The following NRXN3 variants were observed in gnomAD, a reference collection of about 807,000 sequenced individuals.
The protein encoded by NRXN3 is neurexin 3, also known as neurexin III.
A neutral mutation model predicts 137.6 loss-of-function variants in NRXN3; 32 were observed. The observed-to-expected ratio is 0.23, with a 90% CI of 0.18 to 0.31. The LOEUF (loss-of-function observed/expected upper bound fraction) is 0.31, where lower values mean the gene tolerates loss of function less well. NRXN3 is among the 10% of genes least tolerant of loss of function. The probability of loss-of-function intolerance (pLI) is 1.00; values close to 1 mark genes in which losing one functional copy is unlikely to be tolerated. For missense variants in NRXN3, 1,574 were observed against 2,062.5 expected (o/e 0.76, Z 4.59); for synonymous variants, 798 against 784.5 (o/e 1.02, Z -0.29).
At position 78,709,021 on chromosome 14, in the gene NRXN3, C is replaced by CT. The variant is rs561415245; in HGVS notation, c.1222-190dup. Among the ~76,000 whole-genome samples the CT allele has an allele frequency of 9.9e-5, 15 of 152,234 alleles. No individual in the cohort carries two copies. The South Asian group carries it at 1.5e-3, about 15-fold the overall frequency. ...AAGAAATTCTGTAGAAATATAGAGG[C>CT]TTTTTTGGAGCTTGTGTGCACATCA... On this transcript the variant is annotated intron_variant, in intron 6 of 20. Coordinates refer to ENST00000335750, the MANE Select transcript of NRXN3 (RefSeq NM_001330195.2).
chr14:78,327,649 A>G (rs1446964733), intron 4 of NRXN3, among the ~76,000 whole-genome samples: 1 of 152,184 alleles, frequency 6.6e-6, no homozygotes, highest in Non-Finnish European at 1.5e-5. Flanking sequence ...AATGCCTATT[A>G]TCCGCCTACT....
intron 15 of NRXN3, among the ~76,000 whole-genome samples, chr14:79,343,470 GA>G (rs2092713103): frequency 6.6e-6 from 1 of 152,126 alleles, no homozygotes; most frequent in Admixed American, 6.5e-5. Context: ...TTTTATAACT[GA>G]AAAGAACAGC....
At chr14:79,812,399 G>A (rs1407455558) in intron 20 of NRXN3, among the ~76,000 whole-genome samples, 3 of 152,134 alleles carry the variant, frequency 2.0e-5, no homozygotes, top group African/African-American at 7.2e-5. Flanking sequence ...GGAATAAAAG[G>A]AAGGGAAGAA....
Position 79,697,797 on chromosome 14 carries a change from C to A in NRXN3, c.3874C>A (p.Leu1292Met). 1 of 1,613,146 alleles carries A rather than the reference C, an allele frequency of 6.2e-7. No homozygotes were observed. The change falls in exon 19 of 21, where the codon CTG becomes ATG. Residue 1292 changes from leucine to methionine, a missense_variant. Physicochemically the swap from Leu to Met is conservative, Grantham distance 15. Transcript: ENST00000335750. ...PNIKINGSVR[L>M]VGEVPSILGT... ...TATTAAAATCAATGGAAGTGTTCGG[C>A]TGGTTGGAGAAGTCCCATCAATTTT... is the stretch of plus-strand genomic sequence containing the variant.
chr14:79,373,043 C>T (rs530748243), intron 15 of NRXN3, among the ~76,000 whole-genome samples: 53 of 152,144 alleles, frequency 3.5e-4, no homozygotes, highest in Admixed American at 1.8e-3. Flanking sequence ...GTGAATCTGA[C>T]GCTTCTTATC....
intron 4 of NRXN3, among the ~76,000 whole-genome samples, chr14:78,571,686 CT>C (rs1330035293): frequency 6.6e-6 from 1 of 152,096 alleles, no homozygotes; most frequent in Non-Finnish European, 1.5e-5. Flanking sequence ...ATCTCACATG[CT>C]TTTACCTACA....
At chr14:79,522,851 T>C (rs1273336393) in intron 16 of NRXN3, among the ~76,000 whole-genome samples, 1 of 152,216 alleles carries the variant, frequency 6.6e-6, no homozygotes, top group African/African-American at 2.4e-5. Flanking sequence ...AAAACTGCCA[T>C]GTTAAATACC....
chr14:79,615,431 GATA>G (rs1413375729), intron 16 of NRXN3, among the ~76,000 whole-genome samples: 1 of 152,136 alleles, frequency 6.6e-6, no homozygotes, highest in Non-Finnish European at 1.5e-5. Flanking sequence ...TAGAAAAAAT[GATA>G]ATAACCAGCT....
At chr14:79,655,807 C>G (rs2098502833) in intron 16 of NRXN3, among the ~76,000 whole-genome samples, 1 of 152,076 alleles carries the variant, frequency 6.6e-6, no homozygotes, top group African/African-American at 2.4e-5. Context: ...CCAAATGTCC[C>G]TGGAGATAAG....
chr14:79,320,262 C>T (rs575561608), intron 15 of NRXN3, among the ~76,000 whole-genome samples: 14 of 152,108 alleles, frequency 9.2e-5, no homozygotes, highest in East Asian at 7.7e-4. Context: ...CAAATATCCA[C>T]GAATAAATAC....
intron 18 of NRXN3, among the ~76,000 whole-genome samples, chr14:79,695,637 GAAA>G (rs10585470): frequency 0.19 from 16,328 of 88,102 alleles, 892 homozygotes; most frequent in Middle Eastern, 0.22. Flanking sequence ...AGGGCTTCCA[GAAA>G]AAAAAAAAAA....
intron 15 of NRXN3, among the ~76,000 whole-genome samples, chr14:79,131,466 G>T (rs549794147): frequency 5.6e-4 from 86 of 152,254 alleles, no homozygotes; most frequent in African/African-American, 1.8e-3. Context: ...CCCTGCTGGG[G>T]GGTGCCTCCC....
intron 9 of NRXN3, among the ~76,000 whole-genome samples, chr14:78,807,823 A>G (rs1459607199): frequency 6.6e-6 from 1 of 151,972 alleles, no homozygotes; most frequent in African/African-American, 2.4e-5. Context: ...TTTAAAACAA[A>G]ACAAAATTAA....
intron 4 of NRXN3, among the ~76,000 whole-genome samples, chr14:78,420,304 C>T (rs528180126): frequency 4.8e-4 from 73 of 152,216 alleles, no homozygotes; most frequent in African/African-American, 1.3e-3. Flanking sequence ...AATCTTTATA[C>T]AGGAAAGGTA....
intron 16 of NRXN3, among the ~76,000 whole-genome samples, chr14:79,476,949 C>T (rs1449551584): frequency 1.3e-5 from 2 of 152,050 alleles, no homozygotes; most frequent in East Asian, 1.9e-4. Flanking sequence ...ATAATTTTAA[C>T]TCAATTCATA....
In NRXN3 at chr14:79,345,207, T is replaced by C. The variant is rs142099277; in HGVS notation, c.3263-122014T>C. ...GCACTGAGCATTTAAAGCAAACTAG[T>C]GTAGTTTTGGCTTGGTAGAGATTGA... is the stretch of plus-strand genomic sequence containing the variant. On this transcript the variant is annotated intron_variant, in intron 15 of 20. Transcript: ENST00000335750. Among the ~76,000 whole-genome samples, 1,028 of 152,218 alleles carry C rather than the reference T, an allele frequency of 6.8e-3. 10 individuals carry two copies. The highest frequency in any genetic ancestry group is 0.024 in the African/African-American group (993 of 41,520).
intron 15 of NRXN3, among the ~76,000 whole-genome samples, chr14:79,052,919 C>T (rs1206330979): frequency 1.3e-5 from 2 of 152,284 alleles, no homozygotes; most frequent in East Asian, 3.9e-4. Context: ...GCAGTAGTCA[C>T]TTGGCCTTTA....
chr14:78,198,920 G>A (rs915361535), intron 1 of NRXN3, among the ~76,000 whole-genome samples: 9 of 152,206 alleles, frequency 5.9e-5, no homozygotes, highest in African/African-American at 2.2e-4. Context: ...GCAGATTCCT[G>A]TGAGGGCCAG....
At position 78,957,240 on chromosome 14, in the gene NRXN3, A is replaced by T; in HGVS notation, c.2276-2A>T. 6.2e-7 allele frequency: 1 copy of T among 1,613,814 alleles called. No individual in the cohort carries two copies. The highest frequency in any genetic ancestry group is 8.5e-7 in the Non-Finnish European group (1 of 1,179,882). ...AACTTTGGCACTTACTACCATCCTT[A>T]GGCAAAGGACCAGAGACCTTGTATG... On this transcript the variant is annotated splice_acceptor_variant, in intron 10 of 20. Coordinates refer to ENST00000335750, the MANE Select transcript of NRXN3 (RefSeq NM_001330195.2). LOFTEE classifies it high-confidence loss of function.
Sources: allele counts gnomAD v4.1 joint callset (sites outside exome capture counted in the v4.1 genomes callset), GRCh38; gene constraint gnomAD v4.1.1; transcripts MANE v1.5; gene names NCBI Gene and HGNC (gene_info 2026-07-23, HGNC 2026-07-21).